NCMAP: variants seen among roughly 807,000 people sequenced by gnomAD.
NCMAP encodes non-compact myelin associated protein.
Under a neutral mutation model 7.8 loss-of-function variants are expected in NCMAP, and 8 were observed. That is an observed-to-expected ratio of 1.02 (90% CI 0.60 to 1.84). The LOEUF (loss-of-function observed/expected upper bound fraction) is 1.84. Among genes scored for constraint, NCMAP ranks in the 40% most tolerant of loss-of-function variants. NCMAP has a pLI of 0.00. For synonymous variants in NCMAP, 41 were observed against 52.9 expected (o/e 0.78, Z 0.98); for missense variants, 112 against 131.4 (o/e 0.85, Z 0.72).
At chr1:24,583,058 G>A (rs1467886409) in intron 1 of NCMAP, among the ~76,000 whole-genome samples, 1 of 152,188 alleles carries the variant, frequency 6.6e-6, no homozygotes, top group African/African-American at 2.4e-5. Context: ...AAACAGACTG[G>A]ACATTTTCCT....
rs1455672703 is a variant in NCMAP at position 24,574,411 on chromosome 1, G to A, written c.-8+18242G>A. On this transcript the variant is annotated intron_variant, in intron 1 of 3. Transcript: ENST00000374392. ...TGGGATTACAGGCATGAGCCACCGC[G>A]CCCGGCCAACGGGACTGAGAGTTAT... Among the ~76,000 whole-genome samples the A allele has an allele frequency of 4.6e-5, 7 of 151,954 alleles. No individual in the cohort carries two copies. In the South Asian group the frequency reaches 1.2e-3, roughly 27 times the overall value.
intron 2 of NCMAP, among the ~76,000 whole-genome samples, chr1:24,596,079 T>C (rs1307677662): frequency 2.0e-5 from 3 of 152,012 alleles, no homozygotes; most frequent in African/African-American, 7.2e-5. Flanking sequence ...ATCAGGAGTT[T>C]GAGACCAGCT....
At chr1:24,556,749 G>T (rs1406505809) in intron 1 of NCMAP, among the ~76,000 whole-genome samples, 1 of 152,124 alleles carries the variant, frequency 6.6e-6, no homozygotes, top group Non-Finnish European at 1.5e-5. Context: ...CAGTCCTCTG[G>T]GTATCCTTGT....
At chr1:24,583,846 G>T (rs879456120) in intron 1 of NCMAP, among the ~76,000 whole-genome samples, 2 of 152,150 alleles carry the variant, frequency 1.3e-5, no homozygotes. Context: ...ACGGTTTGGA[G>T]TAGGAGATCT....
intron 3 of NCMAP, among the ~76,000 whole-genome samples, chr1:24,604,608 ATATATATATATAT>A (rs1652647410): frequency 1.1e-4 from 1 of 8,972 alleles, no homozygotes; most frequent in Non-Finnish European, 1.7e-4. Flanking sequence ...AAAAAAAAAT[ATATATATATATAT>A]ATATATATAT....
intron 1 of NCMAP, among the ~76,000 whole-genome samples, chr1:24,573,868 C>T (rs1170617553): frequency 2.8e-5 from 4 of 145,180 alleles, no homozygotes; most frequent in South Asian, 2.1e-4. Flanking sequence ...AGGAGATTAG[C>T]GAGCGAGTCT....
chr1:24,564,739 AG>A (rs1651171808), intron 1 of NCMAP, among the ~76,000 whole-genome samples: 1 of 152,130 alleles, frequency 6.6e-6, no homozygotes, highest in Non-Finnish European at 1.5e-5. Context: ...CATAGGTATC[AG>A]GGGGAAATTA....
At chr1:24,593,765 T>C (rs1652123266) in intron 1 of NCMAP, among the ~76,000 whole-genome samples, 1 of 152,082 alleles carries the variant, frequency 6.6e-6, no homozygotes, top group South Asian at 2.1e-4. Flanking sequence ...GGCTTCCAAA[T>C]TGTCAGCAGC....
chr1:24,570,032 C>A (rs1009790283), intron 1 of NCMAP, among the ~76,000 whole-genome samples: 1 of 150,298 alleles, frequency 6.7e-6, no homozygotes, highest in Non-Finnish European at 1.5e-5. Context: ...TCACTGCAGC[C>A]TTGAACTCCT....
intron 3 of NCMAP, among the ~76,000 whole-genome samples, chr1:24,605,109 C>G (rs1652677614): frequency 6.7e-6 from 1 of 149,080 alleles, no homozygotes; most frequent in South Asian, 2.1e-4. Flanking sequence ...GAGCCAGACT[C>G]TGTCTCAAAA....
At chr1:24,598,097 A>T (rs1277292111) in intron 2 of NCMAP, among the ~76,000 whole-genome samples, 1 of 151,876 alleles carries the variant, frequency 6.6e-6, no homozygotes, top group African/African-American at 2.4e-5. Flanking sequence ...AGGTTGAAAA[A>T]CCCAGAACTA....
intron 2 of NCMAP, among the ~76,000 whole-genome samples, chr1:24,597,587 GAAGA>G (rs1197286974): frequency 3.7e-5 from 3 of 81,678 alleles, no homozygotes; most frequent in African/African-American, 9.9e-5. Flanking sequence ...AAACAAAAGA[GAAGA>G]AAGAAGAAAG....
rs886681680 is a variant in NCMAP, at chr1:24,576,987, A to G, written c.-7-18437A>G. ...TACTAAAAGCACACACACACAAAAA[A>G]ATTAGCTGGGCGTGGTGGTGCATGC... is the stretch of plus-strand genomic sequence containing the variant. On this transcript the variant is annotated intron_variant, in intron 1 of 3. Coordinates refer to ENST00000374392, the MANE Select transcript of NCMAP (RefSeq NM_001010980.5). This position sits in a 1 kb window ranked among gnomAD's most constrained non-coding sequence, Gnocchi z 4.0. 5.9e-5 allele frequency among the ~76,000 whole-genome samples: 9 copies of G among 151,870 alleles called. No homozygotes were observed. The highest frequency in any genetic ancestry group is 2.2e-4 in the African/African-American group (9 of 41,352).
intron 2 of NCMAP, among the ~76,000 whole-genome samples, chr1:24,598,405 C>A (rs113826324): frequency 1.8e-4 from 27 of 152,018 alleles, no homozygotes; most frequent in African/African-American, 3.6e-4. Context: ...CTCCACCCCC[C>A]CAAGGGGACC....
At chr1:24,561,945 A>G (rs1391817585) in intron 1 of NCMAP, among the ~76,000 whole-genome samples, 1 of 151,934 alleles carries the variant, frequency 6.6e-6, no homozygotes, top group Non-Finnish European at 1.5e-5. Flanking sequence ...GGGAGGGACA[A>G]AGAACTGGAG....
intron 1 of NCMAP, among the ~76,000 whole-genome samples, chr1:24,570,480 G>A (rs952815355): frequency 1.3e-5 from 2 of 150,744 alleles, no homozygotes; most frequent in African/African-American, 2.5e-5. Context: ...GGGCAACAGA[G>A]CAAGATCTCA....
chr1:24,558,853 A>G (rs1361622304), intron 1 of NCMAP, among the ~76,000 whole-genome samples: 1 of 152,144 alleles, frequency 6.6e-6, no homozygotes, highest in Non-Finnish European at 1.5e-5. Context: ...TAAATGCAGC[A>G]ACACTTCCCT....
rs59282200 is a variant in NCMAP, at chr1:24,599,819, GCCCCCCCCC to G, written c.83-1109_83-1101del. Among the ~76,000 whole-genome samples the G allele has an allele frequency of 4.2e-4, 20 of 47,802 alleles. 1 individual carries two copies. The highest frequency in any genetic ancestry group is 1.4e-3 in the African/African-American group (17 of 12,074). The allele number at this position is 47,802 out of a possible 152,430, so 31.4% of individuals were successfully genotyped here. A position where few individuals can be genotyped will look rare whatever the true frequency, so the allele number is the denominator to read the frequency against. ...TCTCGAACTCCTGACCTCGTGATCC[GCCCCCCCCC>G]CCCCCCCCCCCTTGGCCTCCCAAAG... On this transcript the variant is annotated intron_variant, in intron 2 of 3. Coordinates refer to ENST00000374392, the MANE Select transcript of NCMAP (RefSeq NM_001010980.5).
chr1:24,581,011 G>A (rs922767796), intron 1 of NCMAP, among the ~76,000 whole-genome samples: 2 of 151,782 alleles, frequency 1.3e-5, no homozygotes, highest in African/African-American at 2.4e-5. Flanking sequence ...GAGAGTTGAC[G>A]CCTCTTGATT....
Sources: allele counts gnomAD v4.1 joint callset (sites outside exome capture counted in the v4.1 genomes callset), GRCh38; gene constraint gnomAD v4.1.1; non-coding constraint Gnocchi (gnomAD v3.1); transcripts MANE v1.5; gene names NCBI Gene and HGNC (gene_info 2026-07-23, HGNC 2026-07-21).